The following ARHGAP15 variants were observed in gnomAD, a reference collection of about 807,000 sequenced individuals.
ARHGAP15 encodes the protein rho GTPase-activating protein 15.
In ARHGAP15, 51 loss-of-function variants were observed where a neutral mutation model predicts 63.7. That is an observed-to-expected ratio of 0.80 (90% CI 0.64 to 1.01). The LOEUF is 1.01. ARHGAP15 is among the 50% of genes least tolerant of loss of function. The pLI, the probability that ARHGAP15 is intolerant of heterozygous loss-of-function variation, is 0.00. For synonymous variants in ARHGAP15, 191 were observed against 193.8 expected (o/e 0.99, Z 0.12); for missense variants, 560 against 564.6 (o/e 0.99, Z 0.08).
intron 5 of ARHGAP15, among the ~76,000 whole-genome samples, chr2:143,246,200 TG>T (rs1415556362): frequency 6.6e-6 from 1 of 151,952 alleles, no homozygotes; most frequent in African/African-American, 2.4e-5. Context: ...GCTCTCTGCT[TG>T]GGTTTCTTCA....
intron 9 of ARHGAP15, among the ~76,000 whole-genome samples, chr2:143,488,087 T>C (rs1345631448): frequency 6.6e-6 from 1 of 152,222 alleles, no homozygotes; most frequent in African/African-American, 2.4e-5. Context: ...TAAGAATAGA[T>C]GATGGCCACC....
chr2:143,739,029 T>C (rs1685861008), intron 13 of ARHGAP15, among the ~76,000 whole-genome samples: 1 of 152,160 alleles, frequency 6.6e-6, no homozygotes, highest in Non-Finnish European at 1.5e-5. Flanking sequence ...TAATGTGTCC[T>C]ATTATGGAGC....
At chr2:143,492,535 G>A (rs531162811) in intron 9 of ARHGAP15, among the ~76,000 whole-genome samples, 9 of 152,284 alleles carry the variant, frequency 5.9e-5, no homozygotes, top group African/African-American at 2.2e-4. Flanking sequence ...AAAGGAAAAG[G>A]ACTGCCTGAG....
chr2:143,420,165 A>G (rs1291041977), intron 6 of ARHGAP15, among the ~76,000 whole-genome samples: 1 of 152,162 alleles, frequency 6.6e-6, no homozygotes, highest in Non-Finnish European at 1.5e-5. Context: ...ATAGGCATTT[A>G]CCCAAGTTTC....
chr2:143,300,409 C>G (rs1410991532), intron 6 of ARHGAP15, among the ~76,000 whole-genome samples: 1 of 151,988 alleles, frequency 6.6e-6, no homozygotes, highest in Non-Finnish European at 1.5e-5. Flanking sequence ...CAAGTTATCT[C>G]TAAGCATCCA....
In ARHGAP15 at chr2:143,396,219, G is replaced by A. The variant is rs537132970; in HGVS notation, c.475-39382G>A. On this transcript the variant is annotated intron_variant, in intron 6 of 13. Coordinates refer to ENST00000295095, the MANE Select transcript of ARHGAP15 (RefSeq NM_018460.4). ...TTTTTTTCTGAGTCTATTTTATTCC[G>A]CTGTGTTTGGGAGCAACAGAAAGAA... Among the ~76,000 whole-genome samples, 25 of 151,992 alleles carry A rather than the reference G, an allele frequency of 1.6e-4. 1 individual carries two copies. In the East Asian group the frequency reaches 2.3e-3, roughly 14 times the overall value.
intron 10 of ARHGAP15, among the ~76,000 whole-genome samples, chr2:143,529,191 G>A (rs190199358): frequency 2.5e-4 from 38 of 152,060 alleles, no homozygotes; most frequent in Admixed American, 4.6e-4. Flanking sequence ...AACTCAGCCC[G>A]CAGCATTACA....
At chr2:143,648,361 G>A (rs1426600713) in intron 12 of ARHGAP15, among the ~76,000 whole-genome samples, 3 of 151,996 alleles carry the variant, frequency 2.0e-5, no homozygotes, top group African/African-American at 7.2e-5. Flanking sequence ...ACAGTATTAG[G>A]CAGATCTAAG....
chr2:143,629,349 C>A (rs1310204103), intron 12 of ARHGAP15, among the ~76,000 whole-genome samples: 1 of 152,108 alleles, frequency 6.6e-6, no homozygotes, highest in African/African-American at 2.4e-5. Flanking sequence ...TGAGATCAAT[C>A]CAACTGGGTC....
At chr2:143,219,324 C>A (rs557158693) in intron 4 of ARHGAP15, among the ~76,000 whole-genome samples, 1 of 152,174 alleles carries the variant, frequency 6.6e-6, no homozygotes, top group Non-Finnish European at 1.5e-5. Context: ...GTGTGGTAGG[C>A]TTTACCATGT....
At chr2:143,387,887 A>T (rs1050389957) in intron 6 of ARHGAP15, among the ~76,000 whole-genome samples, 1 of 149,734 alleles carries the variant, frequency 6.7e-6, no homozygotes, top group Non-Finnish European at 1.5e-5. Context: ...GCATGCGTGC[A>T]CATACACATA....
chr2:143,448,643 T>A (rs1006485910), intron 8 of ARHGAP15, among the ~76,000 whole-genome samples: 1 of 151,962 alleles, frequency 6.6e-6, no homozygotes, highest in Non-Finnish European at 1.5e-5. Flanking sequence ...CTCTGTGGTT[T>A]GGAAAACAAC....
intron 12 of ARHGAP15, among the ~76,000 whole-genome samples, chr2:143,635,664 G>C (rs59847548): frequency 6.6e-6 from 1 of 152,050 alleles, no homozygotes; most frequent in Non-Finnish European, 1.5e-5. Context: ...TCCACACTGA[G>C]AATTGTCATG....
rs78481360 is a variant in ARHGAP15, at chr2:143,652,281, T to A, written c.1138+28014T>A. Among the ~76,000 whole-genome samples, 18 of 152,172 alleles carry A rather than the reference T, an allele frequency of 1.2e-4. No homozygotes were observed. In the East Asian group the frequency reaches 3.5e-3, roughly 29 times the overall value. The stretch of plus-strand genomic sequence containing the variant: ...ATGGTTTCTTTTGTAAGTACTCAGT[T>A]CTACACTTGCAGTGCAAAAAACAGC... On this transcript the variant is annotated intron_variant, in intron 12 of 13. Coordinates refer to ENST00000295095, the MANE Select transcript of ARHGAP15 (RefSeq NM_018460.4).
At position 143,187,164 on chromosome 2, in the gene ARHGAP15, T is replaced by C. The variant is rs140912470; in HGVS notation, c.166-14970T>C. Among the ~76,000 whole-genome samples the C allele has an allele frequency of 1.5e-4, 23 of 152,254 alleles. No homozygotes were observed. The East Asian group carries it at 4.1e-3, about 27-fold the overall frequency. ...ATAGCATGAATTTTTTTTTCTGATA[T>C]GGTGCGAAAGCAAATGTAAGCATTT... On this transcript the variant is annotated intron_variant, in intron 2 of 13. Coordinates refer to ENST00000295095, the MANE Select transcript of ARHGAP15 (RefSeq NM_018460.4).
chr2:143,543,752 T>C (rs149076155), intron 10 of ARHGAP15, among the ~76,000 whole-genome samples: 41 of 152,200 alleles, frequency 2.7e-4, no homozygotes, highest in African/African-American at 9.1e-4. Context: ...AAGCTGAAAA[T>C]CTGGTTTGTA....
intron 8 of ARHGAP15, among the ~76,000 whole-genome samples, chr2:143,457,056 T>A (rs982767358): frequency 6.6e-6 from 1 of 152,092 alleles, no homozygotes; most frequent in African/African-American, 2.4e-5. Context: ...ACAATTAGTG[T>A]GATTATTTCA....
intron 13 of ARHGAP15, among the ~76,000 whole-genome samples, chr2:143,742,181 T>G (rs996724354): frequency 2.0e-5 from 3 of 152,226 alleles, no homozygotes; most frequent in Non-Finnish European, 4.4e-5. Flanking sequence ...ATCACACTAA[T>G]TATAGCAGAT....
intron 2 of ARHGAP15, among the ~76,000 whole-genome samples, chr2:143,183,056 A>C (rs914796331): frequency 6.6e-6 from 1 of 152,258 alleles, no homozygotes; most frequent in Non-Finnish European, 1.5e-5. Context: ...GAATGCTTAC[A>C]TTAGACCTAG....
Sources: gnomAD v4.1 joint callset for allele counts (sites outside exome capture counted in the v4.1 genomes callset) on GRCh38, gnomAD v4.1.1 for gene constraint, MANE v1.5 for transcripts, NCBI Gene and HGNC (gene_info 2026-07-23, HGNC 2026-07-21) for gene names.